The following SCGB2B2 variants were observed in gnomAD, a reference collection of about 807,000 sequenced individuals.
SCGB2B2 encodes secretoglobin family 2B member 2.
A neutral mutation model predicts 7.6 loss-of-function variants in SCGB2B2; 11 were observed. The observed-to-expected ratio is 1.45, with a 90% CI of 0.91 to 2.40. The LOEUF (loss-of-function observed/expected upper bound fraction) is 2.40. Ranked by LOEUF, SCGB2B2 falls within the 30% of genes most tolerant of loss-of-function variation. SCGB2B2 has a pLI of 0.00. For missense variants in SCGB2B2, 104 were observed against 115.4 expected (o/e 0.90, Z 0.45); for synonymous variants, 50 against 48.6 (o/e 1.03, Z -0.12).
chr19:34,619,539 A>C (rs1468500510), intron 1 of SCGB2B2, among the ~76,000 whole-genome samples: 1 of 152,214 alleles, frequency 6.6e-6, no homozygotes, highest in Non-Finnish European at 1.5e-5. Flanking sequence ...GACGGCAAGC[A>C]ATTTTTATGA....
At chr19:34,612,801 A>C (rs371509309) in intron 1 of SCGB2B2, among the ~76,000 whole-genome samples, 2 of 152,110 alleles carry the variant, frequency 1.3e-5, no homozygotes, top group African/African-American at 4.8e-5. Context: ...TCTCTCCTTA[A>C]ATCTAATAAT....
intron 1 of SCGB2B2, among the ~76,000 whole-genome samples, chr19:34,668,766 C>G (rs984312805): frequency 2.0e-5 from 3 of 152,192 alleles, no homozygotes; most frequent in Non-Finnish European, 4.4e-5. Flanking sequence ...TGTGTCCACA[C>G]TCTGTATCTA....
chr19:34,603,450 C>T (rs1446676706), intron 1 of SCGB2B2, among the ~76,000 whole-genome samples: 1 of 152,210 alleles, frequency 6.6e-6, no homozygotes, highest in Non-Finnish European at 1.5e-5. Context: ...CTAATCATGT[C>T]TTCATTCAAT....
At chr19:34,663,879 G>C (rs538227269) in intron 1 of SCGB2B2, among the ~76,000 whole-genome samples, 16 of 152,086 alleles carry the variant, frequency 1.1e-4, no homozygotes, top group Admixed American at 1.0e-3. Flanking sequence ...GAGAGGACTG[G>C]GGGGAAGAGA....
chr19:34,645,228 A>C (rs940724990), intron 1 of SCGB2B2, among the ~76,000 whole-genome samples: 7 of 152,184 alleles, frequency 4.6e-5, no homozygotes, highest in African/African-American at 1.4e-4. Context: ...ATTCTGATCT[A>C]GGGGATGCCA....
In SCGB2B2 at chr19:34,630,702, G is replaced by A. The variant is rs1229456122; in HGVS notation, c.-2031-34108C>T. On this transcript the variant is annotated intron_variant, in intron 1 of 3. Coordinates refer to ENST00000601241, the MANE Select transcript of SCGB2B2 (RefSeq NM_001025591.4). Reference sequence around the variant, plus strand: ...TAGTTCAACCATTGTGGAAGTCGGTGTGGCGATTCCTCAGGGATCTAGAAC... The same window carrying A: ...TAGTTCAACCATTGTGGAAGTCGGTATGGCGATTCCTCAGGGATCTAGAAC... Among the ~76,000 whole-genome samples the A allele has an allele frequency of 7.2e-3, 1,087 of 150,766 alleles. 14 individuals are homozygous for A. The highest frequency in any genetic ancestry group is 0.01 in the Non-Finnish European group (693 of 67,026).
intron 1 of SCGB2B2, among the ~76,000 whole-genome samples, chr19:34,654,190 A>C (rs2067229820): frequency 1.3e-5 from 2 of 151,326 alleles, no homozygotes; most frequent in Admixed American, 6.6e-5. Flanking sequence ...TTAAAACAAA[A>C]AAATTAATTT....
At chr19:34,653,171 G>C (rs1326024127) in intron 1 of SCGB2B2, among the ~76,000 whole-genome samples, 1 of 151,236 alleles carries the variant, frequency 6.6e-6, no homozygotes, top group East Asian at 1.9e-4. Context: ...CATAGAAGAA[G>C]AGTGTAGAAT....
At chr19:34,652,653 C>T (rs1036611940) in intron 1 of SCGB2B2, among the ~76,000 whole-genome samples, 3 of 151,140 alleles carry the variant, frequency 2.0e-5, no homozygotes, top group Non-Finnish European at 4.4e-5. Flanking sequence ...AAACCACATT[C>T]AGATATCACC....
intron 1 of SCGB2B2, among the ~76,000 whole-genome samples, chr19:34,657,672 G>A (rs1214279040): frequency 6.6e-6 from 1 of 152,114 alleles, no homozygotes; most frequent in Non-Finnish European, 1.5e-5. Flanking sequence ...ACACCCCACT[G>A]TCAGTATTAG....
At chr19:34,618,664 C>A (rs1366548960) in intron 1 of SCGB2B2, among the ~76,000 whole-genome samples, 3 of 152,222 alleles carry the variant, frequency 2.0e-5, no homozygotes, top group Non-Finnish European at 4.4e-5. Flanking sequence ...CCTTTTATCA[C>A]CTTTTACCAA....
At chr19:34,671,438 TTTTTC>T (rs1191959962) in intron 1 of SCGB2B2, among the ~76,000 whole-genome samples, 12 of 134,266 alleles carry the variant, frequency 8.9e-5, no homozygotes, top group South Asian at 7.2e-4. Context: ...TTTATGCATC[TTTTTC>T]TTTTTTTTTT....
At chr19:34,672,134 TTAAATGAA>T (rs1406649695) in intron 1 of SCGB2B2, among the ~76,000 whole-genome samples, 2 of 151,956 alleles carry the variant, frequency 1.3e-5, no homozygotes, top group African/African-American at 2.4e-5. Context: ...AAATAAATAA[TTAAATGAA>T]TAAATGAATA....
intron 1 of SCGB2B2, among the ~76,000 whole-genome samples, chr19:34,618,261 T>A (rs1349495452): frequency 6.6e-6 from 1 of 152,260 alleles, no homozygotes; most frequent in Admixed American, 6.5e-5. Flanking sequence ...AATAAAAGCT[T>A]ATAAAGAAAT....
At position 34,594,770 on chromosome 19, in the gene SCGB2B2, A is replaced by T. The variant is rs1237445436; in HGVS notation, c.-207T>A. The T allele has an allele frequency of 1.2e-5, 7 of 603,016 alleles. No individual in the cohort carries two copies. The highest frequency in any genetic ancestry group is 9.2e-5 in the African/African-American group (5 of 54,428). The allele number at this position is 603,016 out of a possible 1,614,324, so 37.4% of individuals were successfully genotyped here. On this transcript the variant is annotated 5_prime_UTR_variant, in exon 2 of 4. Coordinates refer to ENST00000601241, the MANE Select transcript of SCGB2B2 (RefSeq NM_001025591.4). Reference sequence around the variant, plus strand: ...GGCCATGCTGTTGGGGTGGCAGCGTATCGGGAACTGGACTCAGCATGCAGT... The same window carrying T: ...GGCCATGCTGTTGGGGTGGCAGCGTTTCGGGAACTGGACTCAGCATGCAGT...
intron 1 of SCGB2B2, among the ~76,000 whole-genome samples, chr19:34,631,030 T>C (rs1045156914): frequency 3.4e-5 from 5 of 146,938 alleles, no homozygotes; most frequent in African/African-American, 7.6e-5. Context: ...AACCAAACAC[T>C]GTATGTTCTC....
In SCGB2B2 at chr19:34,593,469, G is replaced by A; in HGVS notation, c.*86C>T. 1.0e-6 allele frequency: 1 copy of A among 1,000,822 alleles called. No individual in the cohort carries two copies. The highest frequency in any genetic ancestry group is 1.5e-6 in the Non-Finnish European group (1 of 651,832). The allele number at this position is 1,000,822 out of a possible 1,614,324, so 62.0% of individuals were successfully genotyped here. Reference sequence around the variant, plus strand: ...GCTGCAGGTGTTCATTGGGGTCTCTGTAGTGATGAACAGAGCCAGGCCAGG... The same window carrying A: ...GCTGCAGGTGTTCATTGGGGTCTCTATAGTGATGAACAGAGCCAGGCCAGG... On this transcript the variant is annotated 3_prime_UTR_variant, in exon 4 of 4. Coordinates refer to ENST00000601241, the MANE Select transcript of SCGB2B2 (RefSeq NM_001025591.4).
chr19:34,622,060 T>C (rs577539675), intron 1 of SCGB2B2, among the ~76,000 whole-genome samples: 2 of 152,190 alleles, frequency 1.3e-5, no homozygotes, highest in Admixed American at 1.3e-4. Context: ...GTGGGTTATA[T>C]ACAGTTAAGT....
At chr19:34,600,736 C>T (rs535207822) in intron 1 of SCGB2B2, among the ~76,000 whole-genome samples, 1 of 152,138 alleles carries the variant, frequency 6.6e-6, no homozygotes, top group African/African-American at 2.4e-5. Flanking sequence ...TTTTCCACCT[C>T]TGACTGATTT....
Sources: gnomAD v4.1 joint callset for allele counts (sites outside exome capture counted in the v4.1 genomes callset) on GRCh38, gnomAD v4.1.1 for gene constraint, MANE v1.5 for transcripts, NCBI Gene and HGNC (gene_info 2026-07-23, HGNC 2026-07-21) for gene names.